CAB39: variants seen among roughly 807,000 people sequenced by gnomAD.
CAB39 encodes calcium-binding protein 39.
Under a neutral mutation model 40.0 loss-of-function variants are expected in CAB39, and 8 were observed. That is an observed-to-expected ratio of 0.20 (90% confidence interval 0.12 to 0.36). The LOEUF is 0.36. Among genes scored for constraint, CAB39 ranks in the 10% least tolerant of loss-of-function variants. The probability of loss-of-function intolerance (pLI) is 1.00; values close to 1 mark genes in which losing one functional copy is unlikely to be tolerated. For synonymous variants in CAB39, 156 were observed against 141.6 expected (o/e 1.10, Z -0.72); for missense variants, 270 against 401.1 (o/e 0.67, Z 2.79).
chr2:230,768,121 A>G (rs889200260), intron 2 of CAB39, among the ~76,000 whole-genome samples: 5 of 152,226 alleles, frequency 3.3e-5, no homozygotes, highest in South Asian at 2.1e-4. Flanking sequence ...AGAGTTACTA[A>G]TAACATGAAA....
At chr2:230,713,478 G>A (rs2124838165) in intron 1 of CAB39, 1 of 152,688 alleles carries the variant, frequency 6.5e-6, no homozygotes, top group Non-Finnish European at 1.5e-5. Flanking sequence ...GGGGCCTGCA[G>A]TCCAGGCGCT....
At chr2:230,727,981 G>A (rs984011432) in intron 1 of CAB39, among the ~76,000 whole-genome samples, 1 of 152,190 alleles carries the variant, frequency 6.6e-6, no homozygotes, top group Non-Finnish European at 1.5e-5. Context: ...GCTCACGCCT[G>A]GAATCCCAGC....
At chr2:230,776,346 G>A (rs534306680) in intron 2 of CAB39, among the ~76,000 whole-genome samples, 7 of 152,152 alleles carry the variant, frequency 4.6e-5, no homozygotes, top group Non-Finnish European at 1.0e-4. Flanking sequence ...CATATCCCCA[G>A]TGGTAACCTC....
Position 230,766,605 on chromosome 2 carries a change from C to T in CAB39, c.114+6490C>T, listed in dbSNP as rs1030658000. 6.6e-5 allele frequency among the ~76,000 whole-genome samples: 10 copies of T among 152,220 alleles called. 1 individual carries two copies. The highest frequency in any genetic ancestry group is 4.8e-5 in the African/African-American group (2 of 41,448). ...GGCTGGAGTGCAGTGGCACGATCAT[C>T]GCTTGCTGCAGCTTCCACCTCCCGG... On this transcript the variant is annotated intron_variant, in intron 2 of 8. Transcript: ENST00000258418.
intron 7 of CAB39, among the ~76,000 whole-genome samples, chr2:230,816,813 A>T (rs1185519826): frequency 6.6e-6 from 1 of 152,130 alleles, no homozygotes; most frequent in South Asian, 2.1e-4. Flanking sequence ...GACACAGAGG[A>T]GTTCAGTAAC....
chr2:230,742,871 CT>C (rs1694907630), intron 1 of CAB39, among the ~76,000 whole-genome samples: 1 of 152,170 alleles, frequency 6.6e-6, no homozygotes, highest in Non-Finnish European at 1.5e-5. Context: ...CCTTCATGGA[CT>C]TTTGATTCAA....
intron 4 of CAB39, among the ~76,000 whole-genome samples, chr2:230,796,770 G>T (rs745417172): frequency 3.3e-5 from 5 of 152,068 alleles, no homozygotes; most frequent in Non-Finnish European, 7.4e-5. Context: ...TTGATAAAAG[G>T]AATAGGACTT....
chr2:230,728,243 TA>T (rs766265851), intron 1 of CAB39, among the ~76,000 whole-genome samples: 1 of 150,440 alleles, frequency 6.6e-6, no homozygotes. Flanking sequence ...GTCTCAAAAA[TA>T]AATAAATAAA....
At chr2:230,812,580 A>G (rs1696324218) in intron 6 of CAB39, among the ~76,000 whole-genome samples, 1 of 152,214 alleles carries the variant, frequency 6.6e-6, no homozygotes, top group Admixed American at 6.5e-5. Context: ...TTTGTTACTG[A>G]TTAAAAGCAG....
chr2:230,731,067 C>T (rs1257394936), intron 1 of CAB39, among the ~76,000 whole-genome samples: 1 of 152,166 alleles, frequency 6.6e-6, no homozygotes, highest in Non-Finnish European at 1.5e-5. Flanking sequence ...AACAGCAGAG[C>T]TGGGATTTAA....
chr2:230,723,970 G>A (rs934078105), intron 1 of CAB39, among the ~76,000 whole-genome samples: 2 of 152,186 alleles, frequency 1.3e-5, no homozygotes, highest in African/African-American at 2.4e-5. Flanking sequence ...AGGGTCTGGC[G>A]TGGTGGCTCG....
chr2:230,742,835 T>C (rs1694906704), intron 1 of CAB39, among the ~76,000 whole-genome samples: 1 of 150,358 alleles, frequency 6.7e-6, no homozygotes. Flanking sequence ...GGTCCTAGTG[T>C]TGATTAGCTG....
At chr2:230,794,823 T>G (rs1408079446) in intron 4 of CAB39, among the ~76,000 whole-genome samples, 1 of 140,450 alleles carries the variant, frequency 7.1e-6, no homozygotes, top group Non-Finnish European at 1.5e-5. Context: ...TGCCCCCTTT[T>G]TCCTCTGACA....
intron 2 of CAB39, among the ~76,000 whole-genome samples, chr2:230,774,559 C>A (rs756501384): frequency 2.0e-5 from 3 of 152,176 alleles, no homozygotes; most frequent in Non-Finnish European, 4.4e-5. Flanking sequence ...TCTTCGCCCA[C>A]CACATGCTGT....
intron 7 of CAB39, among the ~76,000 whole-genome samples, chr2:230,814,358 C>G (rs766730485): frequency 6.6e-6 from 1 of 152,118 alleles, no homozygotes; most frequent in African/African-American, 2.4e-5. Context: ...AAGACTTCAT[C>G]TCCTAGCAGT....
intron 7 of CAB39, among the ~76,000 whole-genome samples, chr2:230,814,380 G>A (rs1223807949): frequency 3.9e-5 from 6 of 152,100 alleles, no homozygotes; most frequent in Admixed American, 1.3e-4. Flanking sequence ...CATTCTTTGC[G>A]ATTTTGAGCC....
chr2:230,783,637 C>T (rs994650141), intron 2 of CAB39, among the ~76,000 whole-genome samples: 2 of 149,970 alleles, frequency 1.3e-5, no homozygotes, highest in Admixed American at 1.3e-4. Context: ...TAGCTGGGAC[C>T]ATAGGCATGC....
At chr2:230,796,095 C>A (rs775084993) in intron 4 of CAB39, among the ~76,000 whole-genome samples, 2 of 152,082 alleles carry the variant, frequency 1.3e-5, no homozygotes, top group East Asian at 1.9e-4. Context: ...TGCTTTCTGG[C>A]GTAGGATGAC....
intron 1 of CAB39, among the ~76,000 whole-genome samples, chr2:230,750,664 T>A (rs78988738): frequency 0.049 from 7,423 of 152,284 alleles, 238 homozygotes; most frequent in Non-Finnish European, 0.074. Context: ...TAAGAAAATC[T>A]TGCTTCCCAT....
Sources: allele counts gnomAD v4.1 joint callset (sites outside exome capture counted in the v4.1 genomes callset), GRCh38; gene constraint gnomAD v4.1.1; transcripts MANE v1.5; gene names NCBI Gene and HGNC (gene_info 2026-07-23, HGNC 2026-07-21).